AFAP1: variants seen among roughly 807,000 people sequenced by gnomAD.
AFAP1 encodes the protein actin filament-associated protein 1.
Under a neutral mutation model 93.9 loss-of-function variants are expected in AFAP1, and 75 were observed. The ratio of observed to expected loss-of-function variants is 0.80; its 90% CI spans 0.66 to 0.97. The LOEUF (loss-of-function observed/expected upper bound fraction) is 0.97, where lower values mean the gene tolerates loss of function less well. Among genes scored for constraint, AFAP1 ranks in the 50% least tolerant of loss-of-function variants. AFAP1 has a pLI of 0.00. For synonymous variants in AFAP1, 517 were observed against 430.7 expected, an observed-to-expected ratio of 1.20 and a Z score of -2.48; for missense variants, 1,201 against 1,050.8, an observed-to-expected ratio of 1.14 and a Z score of -1.98.
intron 1 of AFAP1, among the ~76,000 whole-genome samples, chr4:7,924,338 A>C (rs1004938576): frequency 8.5e-5 from 13 of 152,212 alleles, no homozygotes; most frequent in African/African-American, 3.1e-4. Flanking sequence ...GGAAAAGCTA[A>C]CACTAACAAA....
At chr4:7,769,732 G>C (rs1443615366) in intron 16 of AFAP1, among the ~76,000 whole-genome samples, 1 of 152,204 alleles carries the variant, frequency 6.6e-6, no homozygotes, top group Admixed American at 6.5e-5. Flanking sequence ...CTGCCAAAAT[G>C]TGTTTGTTAT....
intron 1 of AFAP1, among the ~76,000 whole-genome samples, chr4:7,938,173 G>C (rs1721500941): frequency 6.6e-6 from 1 of 151,726 alleles, no homozygotes; most frequent in African/African-American, 2.4e-5. Context: ...GCGTAGAGTG[G>C]GGGTCTGGGG....
At chr4:7,881,379 C>T (rs1046095249) in intron 1 of AFAP1, among the ~76,000 whole-genome samples, 1 of 152,114 alleles carries the variant, frequency 6.6e-6, no homozygotes, top group Admixed American at 6.6e-5. Context: ...TGAATTCTGC[C>T]AATGCCAATG....
chr4:7,786,281 G>A lies in AFAP1; in HGVS notation c.1443C>T (p.Asn481=), dbSNP rs1717254295. The part of the protein sequence containing the change: ...CFMNRRVISA[N]PYLGGTSNGY... ...CGTTGGAGGTGCCCCCTAGATATGG[G>A]TTAGCAGATATAACACGCCTGTTCA... The change falls in exon 12 of 18, where the codon AAC becomes AAT. Residue 481 remains asparagine (N), a synonymous_variant. Coordinates refer to ENST00000420658, the MANE Select transcript of AFAP1 (RefSeq NM_001134647.2). 1.9e-6 allele frequency: 3 copies of A among 1,614,166 alleles called. No individual in the cohort carries two copies. Among genetic ancestry groups the A allele is most frequent in the Non-Finnish European group, 1.7e-6 (2 of 1,180,018 alleles).
intron 15 of AFAP1, chr4:7,773,228 C>T (rs1224870498): frequency 4.9e-5 from 33 of 677,350 alleles, no homozygotes; most frequent in Non-Finnish European, 3.3e-5. Flanking sequence ...GGACTCGGAC[C>T]AGGAAAGAGG....
rs116141912 is a variant in AFAP1 at position 7,904,745 on chromosome 4, T to A, written c.-2-32665A>T. On this transcript the variant is annotated intron_variant, in intron 1 of 17. Transcript: ENST00000420658. ...TTTGTTTTAGGACGGGGTCTTGCTCTGACCAGGCTGGAGTGCAGTGGCGCG... is the reference window on the plus strand; with the variant it reads ...TTTGTTTTAGGACGGGGTCTTGCTCAGACCAGGCTGGAGTGCAGTGGCGCG... Among the ~76,000 whole-genome samples the A allele has an allele frequency of 5.8e-3, 885 of 152,260 alleles. 6 individuals are homozygous for A. Among genetic ancestry groups the A allele is most frequent in the African/African-American group, 0.019 (779 of 41,556 alleles).
At chr4:7,854,131 C>T (rs986128190) in intron 4 of AFAP1, among the ~76,000 whole-genome samples, 4 of 152,190 alleles carry the variant, frequency 2.6e-5, no homozygotes, top group East Asian at 1.9e-4. Context: ...TGTCTTTACT[C>T]ACTGCCATTA....
rs1713767119 is a variant in AFAP1, at chr4:7,761,342, AAAAGGCTTAGGGTTGT to A, written c.*2407_*2422del. 6.6e-6 allele frequency: 1 copy of A among 152,234 alleles called. No individual in the cohort carries two copies. Among genetic ancestry groups the A allele is most frequent in the African/African-American group, 2.4e-5 (1 of 41,456 alleles). The allele number at this position is 152,234 out of a possible 1,614,324, so 9.4% of individuals were successfully genotyped here. ...GTTTGTTAACGTTTGCCTCCGCTTT[AAAAGGCTTAGGGTTGT>A]GGATGTGAATTACAAACCTGGGTTT... On this transcript the variant is annotated 3_prime_UTR_variant, in exon 18 of 18. Transcript: ENST00000420658.
chr4:7,928,173 T>C, intron 1 of AFAP1, among the ~76,000 whole-genome samples: 1 of 152,180 alleles, frequency 6.6e-6, no homozygotes, highest in Non-Finnish European at 1.5e-5. Context: ...AAATGTAAAC[T>C]GCCCCAACCC....
intron 1 of AFAP1, among the ~76,000 whole-genome samples, chr4:7,899,884 A>ATAAATAAATAAATAAATAAAT (rs1553853500): frequency 3.3e-5 from 5 of 151,322 alleles, no homozygotes; most frequent in Non-Finnish European, 5.9e-5. Flanking sequence ...AAATAAATAA[A>ATAAATAAATAAATAAATAAAT]AAAGGAAGGG....
At chr4:7,912,192 A>G (rs1156726875) in intron 1 of AFAP1, among the ~76,000 whole-genome samples, 4 of 152,216 alleles carry the variant, frequency 2.6e-5, no homozygotes, top group Non-Finnish European at 4.4e-5. Context: ...TTGTTTAACC[A>G]TTCACCTGCT....
At chr4:7,771,311 G>C (rs965273929) in intron 16 of AFAP1, among the ~76,000 whole-genome samples, 2 of 152,072 alleles carry the variant, frequency 1.3e-5, no homozygotes, top group African/African-American at 4.8e-5. Flanking sequence ...CTGAGCCCAG[G>C]AGTTCAAGAA....
In AFAP1 at chr4:7,831,709, A is replaced by G. The variant is rs1429935780; in HGVS notation, c.726+6815T>C. On this transcript the variant is annotated intron_variant, in intron 6 of 17. Coordinates refer to ENST00000420658, the MANE Select transcript of AFAP1 (RefSeq NM_001134647.2). ...AACTAACTGTAAGGACAGAGGAGAA[A>G]AAGAAGAAAGCTGAAATTTCAGAGC... 2.6e-5 allele frequency among the ~76,000 whole-genome samples: 4 copies of G among 152,330 alleles called. No individual in the cohort carries two copies. In the East Asian group the frequency reaches 7.7e-4, roughly 29 times the overall value.
chr4:7,873,119 T>C (rs1717197779), intron 1 of AFAP1, among the ~76,000 whole-genome samples: 1 of 149,650 alleles, frequency 6.7e-6, no homozygotes, highest in African/African-American at 2.4e-5. Flanking sequence ...GGCATGTGCC[T>C]GTAATCCCAG....
At chr4:7,857,927 T>G (rs1449678861) in intron 3 of AFAP1, among the ~76,000 whole-genome samples, 1 of 152,186 alleles carries the variant, frequency 6.6e-6, no homozygotes, top group Non-Finnish European at 1.5e-5. Context: ...CACAACCTTT[T>G]GCGTATCCCC....
chr4:7,813,391 C>G (rs1311851532), intron 8 of AFAP1, among the ~76,000 whole-genome samples: 1 of 152,198 alleles, frequency 6.6e-6, no homozygotes, highest in East Asian at 1.9e-4. Flanking sequence ...CCAAGGTCAC[C>G]ACCGTTTAAT....
At chr4:7,849,428 T>C (rs1263106375) in intron 4 of AFAP1, among the ~76,000 whole-genome samples, 1 of 152,186 alleles carries the variant, frequency 6.6e-6, no homozygotes, top group Non-Finnish European at 1.5e-5. Flanking sequence ...ACAGCCTTCA[T>C]CTACTCAGTA....
intron 1 of AFAP1, among the ~76,000 whole-genome samples, chr4:7,916,120 C>T (rs1418265389): frequency 1.3e-5 from 2 of 152,138 alleles, no homozygotes; most frequent in African/African-American, 4.8e-5. Context: ...CCAGGAGCAC[C>T]TTGAAATGGG....
intron 1 of AFAP1, among the ~76,000 whole-genome samples, chr4:7,932,079 C>T (rs891754565): frequency 7.2e-5 from 11 of 151,908 alleles, no homozygotes; most frequent in African/African-American, 2.2e-4. Context: ...AGGATGGTCT[C>T]GATCTCCTGA....
Sources: gnomAD v4.1 joint callset for allele counts (sites outside exome capture counted in the v4.1 genomes callset) on GRCh38, gnomAD v4.1.1 for gene constraint, MANE v1.5 for transcripts, NCBI Gene and HGNC (gene_info 2026-07-23, HGNC 2026-07-21) for gene names.